MCCC2: variants seen among roughly 807,000 people sequenced by gnomAD.
MCCC2 encodes the protein methylcrotonoyl-CoA carboxylase beta chain, mitochondrial.
In MCCC2, 52 loss-of-function variants were observed where a neutral mutation model predicts 77.2. The observed-to-expected ratio is 0.67, with a 90% confidence interval of 0.54 to 0.85. MCCC2 has a LOEUF of 0.85. Ranked by LOEUF, MCCC2 falls within the 40% of genes least tolerant of loss-of-function variation. The probability of loss-of-function intolerance (pLI) is 0.00; values close to 1 mark genes in which losing one functional copy is unlikely to be tolerated. For missense variants in MCCC2, 682 were observed against 703.2 expected, an observed-to-expected ratio of 0.97 and a Z score of 0.34; for synonymous variants, 253 against 248.4, an observed-to-expected ratio of 1.02 and a Z score of -0.18.
At chr5:71,610,182 C>A (rs1266836603) in intron 6 of MCCC2, among the ~76,000 whole-genome samples, 1 of 152,218 alleles carries the variant, frequency 6.6e-6, no homozygotes, top group Non-Finnish European at 1.5e-5. Context: ...TGCCGCCTTG[C>A]AGTTTGATCT....
chr5:71,587,643 T>C, intron 1 of MCCC2, 89 bp downstream of exon 1: 1 of 1,469,862 alleles, frequency 6.8e-7, no homozygotes, highest in Non-Finnish European at 9.1e-7. Context: ...GCTGCTCTCT[T>C]GTCCGGAGCC....
chr5:71,589,881 A>G (rs1025725975), intron 1 of MCCC2, among the ~76,000 whole-genome samples: 3 of 152,198 alleles, frequency 2.0e-5, no homozygotes, highest in Non-Finnish European at 4.4e-5. Context: ...ATTTGAAGCC[A>G]GGTGGTCTGG....
At chr5:71,644,132 C>T (rs922569384) in intron 12 of MCCC2, among the ~76,000 whole-genome samples, 2 of 150,020 alleles carry the variant, frequency 1.3e-5, no homozygotes, top group Non-Finnish European at 3.0e-5. Context: ...TGGTGGTTTA[C>T]ATTAACATGC....
Position 71,602,361 on chromosome 5 carries a change from T to C in MCCC2, c.384-145T>C, listed in dbSNP as rs1745470666. On this transcript the variant is annotated intron_variant, in intron 4 of 16. Coordinates refer to ENST00000340941, the MANE Select transcript of MCCC2 (RefSeq NM_022132.5). ...GAACTGTGATTAAAGTTTGCATTTA[T>C]ATCCTAAGACTGCTGTCTGCTAATG... 3 of 939,984 alleles carry C rather than the reference T, an allele frequency of 3.2e-6. No homozygotes were observed. The African/African-American group carries it at 5.0e-5, about 16-fold the overall frequency. The allele number at this position is 939,984 out of a possible 1,614,324, so 58.2% of individuals were successfully genotyped here.
intron 15 of MCCC2, among the ~76,000 whole-genome samples, chr5:71,651,003 T>C (rs1240281628): frequency 6.6e-6 from 1 of 152,106 alleles, no homozygotes; most frequent in African/African-American, 2.4e-5. Context: ...CAGGCTGCTC[T>C]CAAACTCCTG....
intron 16 of MCCC2, among the ~76,000 whole-genome samples, chr5:71,653,999 T>C (rs930006762): frequency 1.3e-5 from 2 of 152,160 alleles, no homozygotes; most frequent in Admixed American, 6.5e-5. Context: ...TATGTGTTTT[T>C]GTTTTTGTTT....
At chr5:71,588,669 A>C (rs1213033193) in intron 1 of MCCC2, among the ~76,000 whole-genome samples, 2 of 152,204 alleles carry the variant, frequency 1.3e-5, no homozygotes, top group Non-Finnish European at 2.9e-5. Flanking sequence ...AAAGCTACCG[A>C]TAGGAAGTAA....
At chr5:71,617,836 A>G (rs1746217609) in intron 6 of MCCC2, among the ~76,000 whole-genome samples, 1 of 152,180 alleles carries the variant, frequency 6.6e-6, no homozygotes, top group South Asian at 2.1e-4. Flanking sequence ...TGGCAATCAT[A>G]CCCGTATCGT....
chr5:71,598,959 G>A (rs576099562), intron 3 of MCCC2, among the ~76,000 whole-genome samples: 53 of 150,440 alleles, frequency 3.5e-4, no homozygotes, highest in Admixed American at 2.4e-3. Context: ...GGGTTTCCCC[G>A]TGTTGCTCAG....
In MCCC2 at chr5:71,641,033, T is replaced by A. The variant is rs1451554697; in HGVS notation, c.1030T>A (p.Phe344Ile). 1.2e-6 allele frequency: 2 copies of A among 1,614,024 alleles called. No homozygotes were observed. The highest frequency in any genetic ancestry group is 2.7e-5 in the African/African-American group (2 of 74,950). The change falls in exon 11 of 17, where the codon TTC becomes ATC. Residue 344 changes from phenylalanine (F) to isoleucine (I), a missense_variant. Physicochemically the swap from Phe to Ile is conservative, Grantham distance 21 (BLOSUM62 0). Transcript: ENST00000340941. ...TGCTAGAATCGTGGATGGAAGCAGA[T>A]TCACTGAGTTCAAAGCCTTTTATGG... ...VIARIVDGSR[F>I]TEFKAFYGDT...
chr5:71,604,211 A>G (rs1472041344), intron 5 of MCCC2, 145 bp from the exon 6 acceptor site: 2 of 703,212 alleles, frequency 2.8e-6, no homozygotes, highest in Admixed American at 4.3e-5. Flanking sequence ...GGGTTTGGAG[A>G]ACGAGGCTCT....
At position 71,626,691 on chromosome 5, in the gene MCCC2, A is replaced by G. The variant is rs1473176757; in HGVS notation, c.676A>G (p.Met226Val). Residue 226 changes from methionine (M) to valine (V), a missense_variant, in exon 7 of 17, where the codon ATG becomes GTG. Physicochemically the swap from Met to Val is conservative, Grantham distance 21. Transcript: ENST00000340941. ...CTAGGAYVPAMADENIIVRKQ... is the reference protein window; with the variant it reads ...CTAGGAYVPAVADENIIVRKQ... The stretch of plus-strand genomic sequence containing the variant: ...CGCAGGAGGAGCCTATGTGCCTGCC[A>G]TGGCTGATGAAAACATCATTGTACG... 1 of 1,614,168 alleles carries G rather than the reference A, an allele frequency of 6.2e-7. No homozygotes were observed. Among genetic ancestry groups the G allele is most frequent in the Non-Finnish European group, 8.5e-7 (1 of 1,180,028 alleles).
At chr5:71,622,204 T>C (rs772459791) in intron 6 of MCCC2, among the ~76,000 whole-genome samples, 2 of 152,042 alleles carry the variant, frequency 1.3e-5, no homozygotes, top group Non-Finnish European at 2.9e-5. Context: ...CTTTGTCCAG[T>C]GTAGGCTCAT....
At chr5:71,602,906 C>A in intron 5 of MCCC2, 1 of 441,582 alleles carries the variant, frequency 2.3e-6, no homozygotes, top group Non-Finnish European at 4.0e-6. Context: ...TCTCTAGATC[C>A]TGTTTTTCTT....
intron 8 of MCCC2, among the ~76,000 whole-genome samples, chr5:71,633,851 G>A (rs1005859382): frequency 1.6e-4 from 25 of 152,104 alleles, no homozygotes; most frequent in African/African-American, 6.0e-4. Context: ...TATGTATGAA[G>A]CATTTAAAAT....
intron 6 of MCCC2, among the ~76,000 whole-genome samples, chr5:71,619,844 A>G (rs1220909193): frequency 6.6e-6 from 1 of 152,092 alleles, no homozygotes; most frequent in Non-Finnish European, 1.5e-5. Flanking sequence ...ACAAAAAATT[A>G]GCCGGGCATG....
chr5:71,615,426 G>A (rs899073249), intron 6 of MCCC2, among the ~76,000 whole-genome samples: 2 of 152,028 alleles, frequency 1.3e-5, no homozygotes, highest in African/African-American at 2.4e-5. Context: ...TTCTCCTTAT[G>A]CTTCATGCCA....
chr5:71,614,350 A>T (rs956589667), intron 6 of MCCC2, among the ~76,000 whole-genome samples: 1 of 151,638 alleles, frequency 6.6e-6, no homozygotes, highest in African/African-American at 2.4e-5. Flanking sequence ...ACTCTAATTA[A>T]TTTTCTTGGG....
intron 6 of MCCC2, among the ~76,000 whole-genome samples, chr5:71,621,967 T>C (rs1746364690): frequency 6.6e-6 from 1 of 152,154 alleles, no homozygotes; most frequent in Non-Finnish European, 1.5e-5. Context: ...GATGTGCTTA[T>C]CTCACATTGC....
Sources: allele counts gnomAD v4.1 joint callset (sites outside exome capture counted in the v4.1 genomes callset), GRCh38; gene constraint gnomAD v4.1.1; transcripts MANE v1.5; gene names NCBI Gene and HGNC (gene_info 2026-07-23, HGNC 2026-07-21).